Variants in VPS26A observed in about 807,000 individuals in gnomAD.
The protein encoded by VPS26A is VPS26 retromer complex component A.
Under a neutral mutation model 42.4 loss-of-function variants are expected in VPS26A, and 22 were observed. That is an observed-to-expected ratio of 0.52 (90% CI 0.37 to 0.74). VPS26A has a LOEUF of 0.74. VPS26A is among the 30% of genes least tolerant of loss of function. VPS26A has a pLI of 0.00. For missense variants in VPS26A, 276 were observed against 379.2 expected (o/e 0.73, Z 2.26); for synonymous variants, 110 against 123.5 (o/e 0.89, Z 0.73).
At chr10:69,153,429 G>A (rs904642034) in intron 2 of VPS26A, among the ~76,000 whole-genome samples, 1 of 151,360 alleles carries the variant, frequency 6.6e-6, no homozygotes, top group African/African-American at 2.4e-5. Flanking sequence ...TTGCACCTTC[G>A]ACCTCCTAGG....
intron 2 of VPS26A, among the ~76,000 whole-genome samples, chr10:69,133,322 T>A (rs572066350): frequency 6.6e-6 from 1 of 152,270 alleles, no homozygotes; most frequent in African/African-American, 2.4e-5. Context: ...AAAAATATTT[T>A]TTTTTTCTGT....
chr10:69,166,621 A>G (rs1841692015), intron 7 of VPS26A, among the ~76,000 whole-genome samples: 1 of 152,202 alleles, frequency 6.6e-6, no homozygotes, highest in South Asian at 2.1e-4. Flanking sequence ...AGCCAGTACC[A>G]TTTATTAAGT....
chr10:69,143,525 A>G (rs1841088770), intron 2 of VPS26A, among the ~76,000 whole-genome samples: 1 of 151,786 alleles, frequency 6.6e-6, no homozygotes, highest in Admixed American at 6.6e-5. Flanking sequence ...AACAGTATCC[A>G]CTCTGCTTTT....
In VPS26A at chr10:69,174,364, G is replaced by A. The variant is rs1841887554; in HGVS notation, c.*3095G>A. Among the ~76,000 whole-genome samples, 1 of 152,198 alleles carries A rather than the reference G, an allele frequency of 6.6e-6. No homozygotes were observed. Reference sequence around the variant, plus strand: ...ACCATGTCTCAAAAATCTACCCAGAGTTGGGAACCACTGATCTAAACCATT... The same window carrying A: ...ACCATGTCTCAAAAATCTACCCAGAATTGGGAACCACTGATCTAAACCATT... On this transcript the variant is annotated 3_prime_UTR_variant, in exon 9 of 9. Coordinates refer to ENST00000263559, the MANE Select transcript of VPS26A (RefSeq NM_004896.5).
chr10:69,126,547 CAG>C (rs1409523828), intron 1 of VPS26A, among the ~76,000 whole-genome samples: 3 of 137,746 alleles, frequency 2.2e-5, no homozygotes, highest in Non-Finnish European at 4.5e-5. Flanking sequence ...AGCCTGGCGA[CAG>C]AGTGAGACTC....
intron 2 of VPS26A, among the ~76,000 whole-genome samples, chr10:69,142,036 A>AC (rs1304776589): frequency 6.6e-6 from 1 of 151,628 alleles, no homozygotes; most frequent in Non-Finnish European, 1.5e-5. Flanking sequence ...GGCGCATGCC[A>AC]CCACGCCCGG....
chr10:69,133,379 G>A (rs1218218631), intron 2 of VPS26A, among the ~76,000 whole-genome samples: 2 of 151,948 alleles, frequency 1.3e-5, no homozygotes, highest in African/African-American at 2.4e-5. Context: ...TCTTCAGATC[G>A]GAGCTGTAAT....
chr10:69,171,102 GAT>G (rs1841803838), intron 8 of VPS26A, 52 bp from the exon 9 acceptor site: 1 of 1,384,556 alleles, frequency 7.2e-7, no homozygotes. Flanking sequence ...AATCAATAGA[GAT>G]AAGGCATCAT....
intron 4 of VPS26A, among the ~76,000 whole-genome samples, chr10:69,157,547 C>T (rs1001820403): frequency 6.6e-5 from 10 of 152,154 alleles, no homozygotes; most frequent in African/African-American, 2.4e-4. Context: ...TAGTGGATGG[C>T]AGAAAAGGAG....
intron 2 of VPS26A, 22 bp downstream of exon 2, chr10:69,133,069 ACTAT>A (rs1339561319): frequency 4.5e-5 from 72 of 1,601,532 alleles, no homozygotes; most frequent in Non-Finnish European, 6.0e-5. Context: ...GTTTGACAAA[ACTAT>A]CTAATTGTAA....
At chr10:69,144,467 A>G (rs1589352279) in intron 2 of VPS26A, among the ~76,000 whole-genome samples, 1 of 152,056 alleles carries the variant, frequency 6.6e-6, no homozygotes, top group East Asian at 1.9e-4. Context: ...TTCGGCAACT[A>G]CTCATCTTTT....
intron 7 of VPS26A, among the ~76,000 whole-genome samples, chr10:69,167,174 A>G (rs1841706921): frequency 6.6e-6 from 1 of 151,500 alleles, no homozygotes; most frequent in South Asian, 2.1e-4. Flanking sequence ...TCACGCCTGT[A>G]ATCCCACCAT....
chr10:69,157,925 G>C, intron 4 of VPS26A, 122 bp from the exon 5 acceptor site: 1 of 807,692 alleles, frequency 1.2e-6, no homozygotes, highest in Non-Finnish European at 1.8e-6. Flanking sequence ...AATGAAGTAA[G>C]TTGATCCCAA....
At chr10:69,170,656 A>G (rs951979709) in intron 8 of VPS26A, among the ~76,000 whole-genome samples, 1 of 152,166 alleles carries the variant, frequency 6.6e-6, no homozygotes, top group African/African-American at 2.4e-5. Context: ...AATGTTGGTA[A>G]ATTGGATAAA....
intron 8 of VPS26A, among the ~76,000 whole-genome samples, chr10:69,170,885 G>A (rs913526929): frequency 1.3e-5 from 2 of 152,152 alleles, no homozygotes; most frequent in African/African-American, 4.8e-5. Context: ...ATTAAAGGAT[G>A]GATTTGGGGA....
intron 2 of VPS26A, among the ~76,000 whole-genome samples, chr10:69,146,187 TG>T (rs371433945): frequency 5.9e-5 from 9 of 152,236 alleles, no homozygotes; most frequent in African/African-American, 2.2e-4. Context: ...CTCTGCCTCC[TG>T]GGTTCAAGCA....
chr10:69,135,234 A>T (rs1452682537), intron 2 of VPS26A, among the ~76,000 whole-genome samples: 1 of 152,220 alleles, frequency 6.6e-6, no homozygotes, highest in Non-Finnish European at 1.5e-5. Flanking sequence ...GATAGTGTTG[A>T]TTATATAATA....
chr10:69,170,544 A>C (rs1841793637), intron 8 of VPS26A, among the ~76,000 whole-genome samples: 1 of 152,158 alleles, frequency 6.6e-6, no homozygotes, highest in African/African-American at 2.4e-5. Flanking sequence ...CGAGATTTGA[A>C]GACTGGGGAA....
chr10:69,146,701 A>G (rs909418406), intron 2 of VPS26A, among the ~76,000 whole-genome samples: 3 of 152,128 alleles, frequency 2.0e-5, no homozygotes, highest in African/African-American at 7.2e-5. Context: ...TTCATTTAGC[A>G]TGTTTTCAGG....
Sources: gnomAD v4.1 joint callset for allele counts (sites outside exome capture counted in the v4.1 genomes callset) on GRCh38, gnomAD v4.1.1 for gene constraint, MANE v1.5 for transcripts, NCBI Gene and HGNC (gene_info 2026-07-23, HGNC 2026-07-21) for gene names.